The following SGCZ variants were observed in gnomAD, a reference collection of about 807,000 sequenced individuals.
SGCZ encodes zeta-sarcoglycan.
A neutral mutation model predicts 41.3 loss-of-function variants in SGCZ; 40 were observed. The ratio of observed to expected loss-of-function variants is 0.97; its 90% CI spans 0.75 to 1.26. SGCZ has a LOEUF of 1.26. SGCZ is among the 50% of genes most tolerant of loss of function. The probability of loss-of-function intolerance (pLI) is 0.00; values close to 1 mark genes in which losing one functional copy is unlikely to be tolerated. For synonymous variants in SGCZ, 206 were observed against 137.5 expected, an observed-to-expected ratio of 1.50 and a Z score of -3.49; for missense variants, 552 against 369.8, an observed-to-expected ratio of 1.49 and a Z score of -4.04.
At chr8:14,778,974 G>A (rs1800499073) in intron 1 of SGCZ, among the ~76,000 whole-genome samples, 1 of 152,170 alleles carries the variant, frequency 6.6e-6, no homozygotes, top group African/African-American at 2.4e-5. Context: ...CTAGACATAT[G>A]TGCAAGAGTG....
chr8:14,441,902 T>C (rs970564805), intron 2 of SGCZ, among the ~76,000 whole-genome samples: 7 of 152,212 alleles, frequency 4.6e-5, no homozygotes, highest in Admixed American at 2.6e-4. Flanking sequence ...AAAAATGTTT[T>C]TCCAGTATGA....
At chr8:14,396,754 G>C (rs1234858687) in intron 2 of SGCZ, among the ~76,000 whole-genome samples, 2 of 151,862 alleles carry the variant, frequency 1.3e-5, no homozygotes, top group African/African-American at 4.8e-5. Context: ...GATGAATAGA[G>C]TTACGAGATA....
At chr8:14,240,964 C>G (rs1364921219) in intron 3 of SGCZ, among the ~76,000 whole-genome samples, 1 of 152,136 alleles carries the variant, frequency 6.6e-6, no homozygotes, top group African/African-American at 2.4e-5. Flanking sequence ...TAAATCTGAT[C>G]TCAAATATAT....
intron 3 of SGCZ, among the ~76,000 whole-genome samples, chr8:14,267,219 A>G (rs990697300): frequency 1.3e-5 from 2 of 152,068 alleles, no homozygotes; most frequent in Non-Finnish European, 2.9e-5. Flanking sequence ...ATACTGGGGT[A>G]TGTATATCCA....
At chr8:14,665,176 C>G (rs903375775) in intron 1 of SGCZ, among the ~76,000 whole-genome samples, 7 of 152,228 alleles carry the variant, frequency 4.6e-5, no homozygotes, top group Admixed American at 3.3e-4. Flanking sequence ...CCCCACCCCA[C>G]AACAGGCCCC....
intron 1 of SGCZ, among the ~76,000 whole-genome samples, chr8:14,806,100 T>C (rs1419393659): frequency 6.6e-6 from 1 of 151,868 alleles, no homozygotes; most frequent in Non-Finnish European, 1.5e-5. Context: ...GGGAAATTTA[T>C]AGCACTAAAT....
At chr8:14,817,751 G>C (rs1801950862) in intron 1 of SGCZ, among the ~76,000 whole-genome samples, 1 of 152,148 alleles carries the variant, frequency 6.6e-6, no homozygotes, top group South Asian at 2.1e-4. Flanking sequence ...TGACTGACTT[G>C]CCCATGTGCG....
intron 4 of SGCZ, among the ~76,000 whole-genome samples, chr8:14,172,408 T>C (rs114717923): frequency 1.0e-3 from 155 of 152,284 alleles, no homozygotes; most frequent in African/African-American, 3.5e-3. Flanking sequence ...GAAAATTACA[T>C]TGCCTGGTCT....
chr8:15,218,774 A>G (rs1302286418), intron 1 of SGCZ, among the ~76,000 whole-genome samples: 1 of 152,210 alleles, frequency 6.6e-6, no homozygotes, highest in Non-Finnish European at 1.5e-5. Flanking sequence ...TGAAACATTG[A>G]TGACTGTACC....
intron 1 of SGCZ, among the ~76,000 whole-genome samples, chr8:14,840,429 C>A (rs1425775282): frequency 6.6e-6 from 1 of 152,038 alleles, no homozygotes; most frequent in Non-Finnish European, 1.5e-5. Flanking sequence ...TGTAATAATA[C>A]AATGTTGCGG....
chr8:14,545,196 C>T (rs752776220), intron 2 of SGCZ, among the ~76,000 whole-genome samples: 2 of 152,044 alleles, frequency 1.3e-5, no homozygotes, highest in African/African-American at 2.4e-5. Flanking sequence ...AGACTGAAAA[C>T]TAAATTTAAT....
intron 1 of SGCZ, among the ~76,000 whole-genome samples, chr8:15,097,866 GTA>G (rs10674533): frequency 2.9e-5 from 2 of 68,496 alleles, no homozygotes; most frequent in African/African-American, 1.2e-4. Context: ...ACGTGTGTGT[GTA>G]TATATATATA....
chr8:14,255,424 C>A (rs577200350), intron 3 of SGCZ, among the ~76,000 whole-genome samples: 1 of 152,066 alleles, frequency 6.6e-6, no homozygotes, highest in East Asian at 1.9e-4. Flanking sequence ...TATACTTGTC[C>A]TTTTAGCTTA....
chr8:14,999,227 T>C (rs1208451981), intron 1 of SGCZ, among the ~76,000 whole-genome samples: 3 of 152,180 alleles, frequency 2.0e-5, no homozygotes, highest in Admixed American at 6.5e-5. Context: ...GTGCAAAACA[T>C]TATGGTTGAA....
At chr8:15,081,078 C>T (rs1293060393) in intron 1 of SGCZ, among the ~76,000 whole-genome samples, 1 of 152,110 alleles carries the variant, frequency 6.6e-6, no homozygotes, top group Non-Finnish European at 1.5e-5. Context: ...AACATAAACT[C>T]TGTTATTGAA....
intron 1 of SGCZ, among the ~76,000 whole-genome samples, chr8:14,901,685 A>T (rs754835537): frequency 2.6e-5 from 4 of 152,054 alleles, no homozygotes; most frequent in Non-Finnish European, 5.9e-5. Context: ...TCTGGGGTAA[A>T]AAAGTTACAT....
chr8:14,565,439 G>A (rs752335422), intron 1 of SGCZ, among the ~76,000 whole-genome samples: 1 of 151,890 alleles, frequency 6.6e-6, no homozygotes, highest in Non-Finnish European at 1.5e-5. Context: ...CAATTTTGAA[G>A]GAGCCCAAGG....
At chr8:15,101,354 C>T (rs889644778) in intron 1 of SGCZ, among the ~76,000 whole-genome samples, 1 of 151,982 alleles carries the variant, frequency 6.6e-6, no homozygotes, top group Non-Finnish European at 1.5e-5. Flanking sequence ...TAAAAGACTT[C>T]AATATATACA....
chr8:14,288,434 C>A (rs1446023322), intron 3 of SGCZ, among the ~76,000 whole-genome samples: 3 of 152,186 alleles, frequency 2.0e-5, no homozygotes, highest in East Asian at 1.9e-4. Flanking sequence ...CATCACTCCC[C>A]ATGTCTCCCT....
Sources: gnomAD v4.1 joint callset for allele counts (sites outside exome capture counted in the v4.1 genomes callset) on GRCh38, gnomAD v4.1.1 for gene constraint, MANE v1.5 for transcripts, NCBI Gene and HGNC (gene_info 2026-07-23, HGNC 2026-07-21) for gene names.